The following RECQL variants were observed in gnomAD, a reference collection of about 807,000 sequenced individuals.
RECQL encodes the protein RecQ like helicase, also known as ATP-dependent DNA helicase Q1.
In RECQL, 73 loss-of-function variants were observed where a neutral mutation model predicts 75.8. That is an observed-to-expected ratio of 0.96 (90% CI 0.80 to 1.17). The LOEUF (loss-of-function observed/expected upper bound fraction) is 1.17. Ranked by LOEUF, RECQL falls within the 50% of genes most tolerant of loss-of-function variation. The pLI is 0.00. For missense variants in RECQL, 699 were observed against 772.1 expected, an observed-to-expected ratio of 0.91 and a Z score of 1.12; for synonymous variants, 248 against 254.4, an observed-to-expected ratio of 0.97 and a Z score of 0.24.
intron 4 of RECQL, among the ~76,000 whole-genome samples, chr12:21,487,306 A>ACAGT (rs1354633902): frequency 2.0e-5 from 3 of 152,200 alleles, no homozygotes; most frequent in Non-Finnish European, 4.4e-5. Flanking sequence ...TTTTAATTAT[A>ACAGT]CAGTAGTGTG....
rs1046567727 is a variant in RECQL at position 21,477,940 on chromosome 12, G to A, written c.730C>T (p.Gln244Ter). ...DYKALGILKR[Q>*]FPNASLIGLT... The stretch of plus-strand genomic sequence containing the variant: ...CCAATTAGTGATGCGTTAGGGAACT[G>A]CCGCTTTAAGATACCAAGTGCCTTA... Residue 244 changes from glutamine to a stop codon, truncating the protein, a stop_gained, in exon 7 of 15, where the codon CAG (glutamine) becomes TAG (stop). Transcript: ENST00000444129. LOFTEE classifies it high-confidence loss of function. 4 of 1,611,316 alleles carry A rather than the reference G, an allele frequency of 2.5e-6. No homozygotes were observed. Among genetic ancestry groups the A allele is most frequent in the Non-Finnish European group, 3.4e-6 (4 of 1,179,118 alleles).
At chr12:21,472,249 A>G (rs1054442526) in intron 12 of RECQL, among the ~76,000 whole-genome samples, 3 of 152,076 alleles carry the variant, frequency 2.0e-5, no homozygotes, top group Non-Finnish European at 2.9e-5. Context: ...GGATGAAAAA[A>G]AGTTAAAATA....
intron 2 of RECQL, 68 bp downstream of exon 2, chr12:21,499,487 C>T: frequency 7.2e-7 from 1 of 1,387,552 alleles, no homozygotes. Flanking sequence ...TTAAAACAAA[C>T]TTTTTCAAAT....
At chr12:21,495,379 G>A (rs921545348) in intron 2 of RECQL, among the ~76,000 whole-genome samples, 6 of 152,234 alleles carry the variant, frequency 3.9e-5, no homozygotes, top group African/African-American at 9.6e-5. Context: ...GGTGGATCAC[G>A]AGATCAGGAG....
intron 4 of RECQL, among the ~76,000 whole-genome samples, chr12:21,488,952 T>G (rs1368167886): frequency 6.6e-6 from 1 of 152,216 alleles, no homozygotes; most frequent in Non-Finnish European, 1.5e-5. Flanking sequence ...TGTTCTCTCT[T>G]GCTTTTGGAT....
chr12:21,485,210 CAA>C (rs60867895), intron 5 of RECQL, among the ~76,000 whole-genome samples: 4 of 112,742 alleles, frequency 3.5e-5, no homozygotes, highest in Non-Finnish European at 3.6e-5. Flanking sequence ...TATACTCTTG[CAA>C]AAAAAAAAAA....
At chr12:21,483,890 A>G (rs1282774807) in intron 5 of RECQL, among the ~76,000 whole-genome samples, 1 of 152,216 alleles carries the variant, frequency 6.6e-6, no homozygotes, top group East Asian at 1.9e-4. Flanking sequence ...TAAATTGTTC[A>G]TAATATATTC....
At chr12:21,491,416 C>T in intron 3 of RECQL, 103 bp downstream of exon 3, 1 of 1,153,248 alleles carries the variant, frequency 8.7e-7, no homozygotes. Flanking sequence ...GCCAGTTTCA[C>T]CTCTAAGCCT....
rs1165950353 is a variant in RECQL at position 21,473,654 on chromosome 12, T to C, written c.1356-12A>G. 1.9e-5 allele frequency: 30 copies of C among 1,606,648 alleles called. No homozygotes were observed. The highest frequency in any genetic ancestry group is 2.4e-5 in the Non-Finnish European group (28 of 1,174,400). On this transcript the variant is annotated splice_polypyrimidine_tract_variant and intron_variant, in intron 11 of 14. Coordinates refer to ENST00000444129, the MANE Select transcript of RECQL (RefSeq NM_002907.4). ...ACACACGACGACATCTGCAAACACA[T>C]TTAAAGATACAAATTATTAAAGGAT... is the stretch of plus-strand genomic sequence containing the variant.
At chr12:21,482,272 A>AG (rs1164053429) in intron 6 of RECQL, among the ~76,000 whole-genome samples, 1 of 151,318 alleles carries the variant, frequency 6.6e-6, no homozygotes, top group Non-Finnish European at 1.5e-5. Context: ...CAAAAGAAAA[A>AG]AAAAAAAGAT....
intron 2 of RECQL, among the ~76,000 whole-genome samples, chr12:21,494,117 C>T (rs142203903): frequency 2.6e-5 from 4 of 152,262 alleles, no homozygotes; most frequent in African/African-American, 7.2e-5. Context: ...GTGTGTCACA[C>T]AGTGGGAGAT....
intron 13 of RECQL, 78 bp from the exon 14 acceptor site, chr12:21,471,176 A>G: frequency 7.5e-7 from 1 of 1,335,980 alleles, no homozygotes; most frequent in Non-Finnish European, 1.0e-6. Flanking sequence ...AAATAACTAT[A>G]TGCGCAGTAA....
At chr12:21,477,051 T>A in intron 7 of RECQL, 59 bp from the exon 8 acceptor site, 2 of 1,177,994 alleles carry the variant, frequency 1.7e-6, no homozygotes, top group Non-Finnish European at 1.2e-6. Context: ...AGTGGCTGTC[T>A]ATGTACAACT....
intron 4 of RECQL, among the ~76,000 whole-genome samples, chr12:21,487,961 G>C (rs527491344): frequency 1.6e-4 from 24 of 152,124 alleles, no homozygotes; most frequent in Non-Finnish European, 3.4e-4. Context: ...CTGATATAAA[G>C]TATTCTGTTA....
rs148812978 is a variant in RECQL at position 21,475,703 on chromosome 12, A to G, written c.1071T>C (p.His357=). The part of the protein sequence containing the change: ...NLEPEDKTTV[H]RKWSANEIQV... ...GAATTTCATTGGCTGACCATTTTCT[A>G]TGAACTGTGGTCTTATCTTCTGGCT... The change falls in exon 9 of 15, where the codon CAT becomes CAC. Residue 357 remains histidine, a synonymous_variant. Transcript: ENST00000444129. The G allele has an allele frequency of 6.8e-6, 11 of 1,613,334 alleles. No individual in the cohort carries two copies. In the African/African-American group the frequency reaches 1.5e-4, roughly 22 times the overall value.
chr12:21,494,496 T>C (rs1943468974), intron 2 of RECQL, among the ~76,000 whole-genome samples: 1 of 152,220 alleles, frequency 6.6e-6, no homozygotes, highest in Non-Finnish European at 1.5e-5. Context: ...GGAGTGGCTC[T>C]AGTAATTTGC....
In RECQL at chr12:21,491,544, A is replaced by G. The variant is rs967619221; in HGVS notation, c.189T>C (p.Ser63=). Residue 63 remains serine (S), a synonymous_variant, in exon 3 of 15, where the codon TCT becomes TCC. Transcript: ENST00000444129. ...SDAGASNEYD[S]SPAAWNKEDF... ...CTTCTTTATTCCAAGCGGCAGGTGA[A>G]GAATCATATTCATTGCTTGCCCCGG... 1.2e-6 allele frequency: 2 copies of G among 1,608,202 alleles called. No homozygotes were observed. Among genetic ancestry groups the G allele is most frequent in the Non-Finnish European group, 1.7e-6 (2 of 1,178,626 alleles).
At chr12:21,494,798 C>T (rs74069255) in intron 2 of RECQL, among the ~76,000 whole-genome samples, 335 of 152,304 alleles carry the variant, frequency 2.2e-3, no homozygotes, top group African/African-American at 7.5e-3. Flanking sequence ...TTCAGGGATG[C>T]TGGGGCTCCC....
chr12:21,481,771 A>G (rs796287528), intron 6 of RECQL, among the ~76,000 whole-genome samples: 1 of 152,220 alleles, frequency 6.6e-6, no homozygotes, highest in Admixed American at 6.5e-5. Flanking sequence ...ATATTTAAAA[A>G]GAAGACAGGA....
Sources: gnomAD v4.1 joint callset for allele counts (sites outside exome capture counted in the v4.1 genomes callset) on GRCh38, gnomAD v4.1.1 for gene constraint, MANE v1.5 for transcripts, NCBI Gene and HGNC (gene_info 2026-07-23, HGNC 2026-07-21) for gene names.